The following CEP128 variants were observed in gnomAD, a reference collection of about 807,000 sequenced individuals.
CEP128 encodes the protein centrosomal protein 128, also known as centrosomal protein 128kDa.
CEP128 carries 132 observed loss-of-function variants against 156.7 expected under a neutral mutation model. The ratio of observed to expected loss-of-function variants is 0.84; its 90% CI spans 0.73 to 0.97. CEP128 has a LOEUF of 0.97. CEP128 is among the 50% of genes least tolerant of loss of function. The pLI is 0.00. For missense variants in CEP128, 1,252 were observed against 1,281.9 expected (o/e 0.98, Z 0.36); for synonymous variants, 469 against 448.9 (o/e 1.04, Z -0.57).
chr14:80,522,956 A>G (rs146013106), intron 23 of CEP128, among the ~76,000 whole-genome samples: 1 of 152,310 alleles, frequency 6.6e-6, no homozygotes, highest in East Asian at 1.9e-4. Context: ...TGCTCTCACA[A>G]TTGTGGATGT....
intron 21 of CEP128, among the ~76,000 whole-genome samples, chr14:80,553,219 A>G (rs1193403333): frequency 6.6e-6 from 1 of 151,862 alleles, no homozygotes; most frequent in Non-Finnish European, 1.5e-5. Flanking sequence ...CATGCATTAG[A>G]TATTTGTCCT....
chr14:80,704,644 C>T (rs1960882), intron 19 of CEP128, among the ~76,000 whole-genome samples: 22,453 of 147,314 alleles, frequency 0.15, 1,964 homozygotes, highest in East Asian at 0.3. Context: ...TACATTTTTA[C>T]GCTTGAAACA....
At chr14:80,737,902 C>T (rs981100795) in intron 19 of CEP128, among the ~76,000 whole-genome samples, 12 of 151,774 alleles carry the variant, frequency 7.9e-5, no homozygotes, top group Non-Finnish European at 1.2e-4. Flanking sequence ...TCAATCAATC[C>T]GATGATAAAT....
At chr14:80,808,356 C>G (rs946776444) in intron 13 of CEP128, among the ~76,000 whole-genome samples, 9 of 152,178 alleles carry the variant, frequency 5.9e-5, no homozygotes, top group Admixed American at 5.2e-4. Flanking sequence ...CTCTGCAGTA[C>G]TGTTGCCATA....
At chr14:80,923,687 G>T (rs1037407475) in intron 2 of CEP128, among the ~76,000 whole-genome samples, 4 of 152,250 alleles carry the variant, frequency 2.6e-5, no homozygotes, top group East Asian at 1.9e-4. Flanking sequence ...TGATACTTAG[G>T]GGGGTAAGGG....
intron 13 of CEP128, among the ~76,000 whole-genome samples, chr14:80,796,161 A>T (rs1359983422): frequency 6.6e-6 from 1 of 152,142 alleles, no homozygotes; most frequent in Non-Finnish European, 1.5e-5. Flanking sequence ...GCTCTCATCA[A>T]GATCCCCAAA....
At chr14:80,916,686 A>G (rs1884583253) in intron 2 of CEP128, 124 bp from the exon 3 acceptor site, 1 of 686,814 alleles carries the variant, frequency 1.5e-6, no homozygotes, top group Non-Finnish European at 2.4e-6. Context: ...TGCACACTGT[A>G]ATTTCTACAT....
chr14:80,525,393 C>T (rs1363481741), intron 23 of CEP128, among the ~76,000 whole-genome samples: 2 of 152,142 alleles, frequency 1.3e-5, no homozygotes, highest in Non-Finnish European at 1.5e-5. Flanking sequence ...AAAATAATCA[C>T]GCCTATCTGA....
At position 80,831,285 on chromosome 14, in the gene CEP128, C is replaced by T. The variant is rs780227517; in HGVS notation, c.1067G>A (p.Arg356Gln). Residue 356 changes from arginine (R) to glutamine (Q), a missense_variant, in exon 13 of 25, where the codon CGG (arginine) becomes CAG (glutamine). Transcript: ENST00000555265. ...TTGCTTCTCCAGGTCCTGTTTTTCC[C>T]GCTCAACCCCTTAAAAGATAAAATG... ...EDWRFRRGVE[R>Q]EKQDLEKQMS... The T allele has an allele frequency of 9.9e-6, 16 of 1,613,686 alleles. No homozygotes were observed. The highest frequency in any genetic ancestry group is 3.3e-5 in the Admixed American group (2 of 59,970).
At chr14:80,879,399 A>G (rs1251086922) in intron 8 of CEP128, among the ~76,000 whole-genome samples, 1 of 152,216 alleles carries the variant, frequency 6.6e-6, no homozygotes, top group Non-Finnish European at 1.5e-5. Flanking sequence ...TAATACTCTA[A>G]AAACTCCAAT....
intron 13 of CEP128, among the ~76,000 whole-genome samples, chr14:80,818,466 T>C (rs756060163): frequency 4.6e-5 from 7 of 152,258 alleles, no homozygotes; most frequent in Non-Finnish European, 8.8e-5. Flanking sequence ...CAAAAAGCAA[T>C]TGCTACGCAA....
intron 19 of CEP128, among the ~76,000 whole-genome samples, chr14:80,605,245 G>A (rs113875418): frequency 2.0e-5 from 3 of 152,152 alleles, no homozygotes; most frequent in African/African-American, 7.2e-5. Flanking sequence ...CTAAGTGTTA[G>A]TTGTTGCCTC....
intron 19 of CEP128, among the ~76,000 whole-genome samples, chr14:80,704,161 T>A (rs1394024533): frequency 6.6e-6 from 1 of 151,940 alleles, no homozygotes; most frequent in Non-Finnish European, 1.5e-5. Context: ...AATGAAAGCA[T>A]CTCTGGGAAA....
At chr14:80,533,916 C>T (rs142431905) in intron 21 of CEP128, among the ~76,000 whole-genome samples, 1 of 152,152 alleles carries the variant, frequency 6.6e-6, no homozygotes, top group Non-Finnish European at 1.5e-5. Flanking sequence ...TCTTCAGGAG[C>T]ATTTAGCTCA....
At chr14:80,593,902 G>T (rs1393634472) in intron 19 of CEP128, among the ~76,000 whole-genome samples, 1 of 152,208 alleles carries the variant, frequency 6.6e-6, no homozygotes, top group Non-Finnish European at 1.5e-5. Flanking sequence ...ACTGCCCGAA[G>T]TAATTTATAG....
At chr14:80,764,132 T>G (rs1900106251) in intron 16 of CEP128, among the ~76,000 whole-genome samples, 1 of 152,210 alleles carries the variant, frequency 6.6e-6, no homozygotes, top group Non-Finnish European at 1.5e-5. Context: ...ACTTCAATCT[T>G]TTGATATTCT....
At chr14:80,763,220 C>G (rs537887582) in intron 16 of CEP128, among the ~76,000 whole-genome samples, 231 of 152,224 alleles carry the variant, frequency 1.5e-3, no homozygotes, top group African/African-American at 5.4e-3. Context: ...AATTTACAAA[C>G]CACAATAACA....
At chr14:80,654,092 G>C (rs1256320865) in intron 19 of CEP128, among the ~76,000 whole-genome samples, 4 of 152,108 alleles carry the variant, frequency 2.6e-5, no homozygotes, top group African/African-American at 7.2e-5. Context: ...GGCAGTAGGA[G>C]GCTTGAGGAA....
chr14:80,584,640 C>G (rs201571617), intron 19 of CEP128, among the ~76,000 whole-genome samples: 2 of 152,172 alleles, frequency 1.3e-5, no homozygotes, highest in Admixed American at 6.5e-5. Flanking sequence ...AATATGGCTA[C>G]TGGGCATCGC....
Sources: allele counts gnomAD v4.1 joint callset (sites outside exome capture counted in the v4.1 genomes callset), GRCh38; gene constraint gnomAD v4.1.1; transcripts MANE v1.5; gene names NCBI Gene and HGNC (gene_info 2026-07-23, HGNC 2026-07-21).